Variants in THSD7A observed in about 807,000 individuals in gnomAD.
THSD7A encodes thrombospondin type 1 domain containing 7A.
Under a neutral mutation model 231.3 loss-of-function variants are expected in THSD7A, and 96 were observed. The ratio of observed to expected loss-of-function variants is 0.41; its 90% CI spans 0.35 to 0.49. THSD7A has a LOEUF of 0.49. Among genes scored for constraint, THSD7A ranks in the 20% least tolerant of loss-of-function variants. The probability of loss-of-function intolerance (pLI) is 0.05; values close to 1 mark genes in which losing one functional copy is unlikely to be tolerated. For synonymous variants in THSD7A, 940 were observed against 743.3 expected, an observed-to-expected ratio of 1.26 and a Z score of -4.30; for missense variants, 2,290 against 2,070.2, an observed-to-expected ratio of 1.11 and a Z score of -2.06.
chr7:11,619,024 G>A (rs979240824), intron 2 of THSD7A, among the ~76,000 whole-genome samples: 5 of 151,816 alleles, frequency 3.3e-5, no homozygotes, highest in African/African-American at 1.2e-4. Flanking sequence ...AATTAAAAAA[G>A]TCTATTTCCA....
intron 4 of THSD7A, among the ~76,000 whole-genome samples, chr7:11,574,463 T>G (rs886590544): frequency 6.7e-6 from 1 of 149,658 alleles, no homozygotes. Flanking sequence ...GAGACAGAGT[T>G]TCGCTCTGTC....
At chr7:11,769,122 A>AGCTATATATAT (rs1491347103) in intron 1 of THSD7A, among the ~76,000 whole-genome samples, 1 of 35,886 alleles carries the variant, frequency 2.8e-5, no homozygotes, top group African/African-American at 1.0e-4. Flanking sequence ...AATTCCTGGC[A>AGCTATATATAT]ATATATATAT....
At chr7:11,575,379 TC>T (rs1790848484) in intron 4 of THSD7A, among the ~76,000 whole-genome samples, 1 of 152,340 alleles carries the variant, frequency 6.6e-6, no homozygotes, top group African/African-American at 2.4e-5. Flanking sequence ...TTTTCCTTTA[TC>T]AGTGCCTAGA....
intron 1 of THSD7A, among the ~76,000 whole-genome samples, chr7:11,674,769 C>G (rs1783567637): frequency 6.6e-6 from 1 of 152,096 alleles, no homozygotes; most frequent in South Asian, 2.1e-4. Context: ...TGTTTAATCA[C>G]CTCCAAAGGA....
intron 6 of THSD7A, among the ~76,000 whole-genome samples, chr7:11,534,016 G>A (rs757218): frequency 0.083 from 12,563 of 152,142 alleles, 800 homozygotes; most frequent in East Asian, 0.18. Context: ...GGGAATTAGT[G>A]GAAGATACCT....
chr7:11,488,686 G>A (rs1786762779), intron 6 of THSD7A, among the ~76,000 whole-genome samples: 1 of 152,002 alleles, frequency 6.6e-6, no homozygotes, highest in Non-Finnish European at 1.5e-5. Flanking sequence ...TGTATCCCAA[G>A]GGTCTGTTTC....
intron 1 of THSD7A, among the ~76,000 whole-genome samples, chr7:11,694,803 T>C (rs1267345734): frequency 1.3e-5 from 2 of 151,538 alleles, no homozygotes; most frequent in East Asian, 2.0e-4. Context: ...TTATACTCCA[T>C]CTCCTACAAA....
chr7:11,552,120 A>T (rs1244142632), intron 4 of THSD7A, among the ~76,000 whole-genome samples: 1 of 152,092 alleles, frequency 6.6e-6, no homozygotes, highest in Non-Finnish European at 1.5e-5. Context: ...GATAAACATG[A>T]ACACAAAGTA....
chr7:11,686,875 A>C (rs1315786577), intron 1 of THSD7A, among the ~76,000 whole-genome samples: 1 of 151,888 alleles, frequency 6.6e-6, no homozygotes, highest in East Asian at 1.9e-4. Flanking sequence ...TACCACGTTT[A>C]GTACCTTGGT....
intron 1 of THSD7A, among the ~76,000 whole-genome samples, chr7:11,795,366 T>A (rs1345027881): frequency 6.6e-6 from 1 of 151,954 alleles, no homozygotes; most frequent in Non-Finnish European, 1.5e-5. Flanking sequence ...CCTACTGGTA[T>A]CAGCAAGCCA....
chr7:11,828,605 T>C (rs190964334), intron 1 of THSD7A, among the ~76,000 whole-genome samples: 1 of 152,258 alleles, frequency 6.6e-6, no homozygotes, highest in African/African-American at 2.4e-5. Flanking sequence ...TTTAAAAAAG[T>C]TAATTGTGAG....
In THSD7A at chr7:11,375,676, C is replaced by T. The variant is rs115056938; in HGVS notation, c.*118G>A. The stretch of plus-strand genomic sequence containing the variant: ...GATTTTCACTCTTGTCTTTATGATG[C>T]CATTTTTAAAAATTAAAATATATTT... On this transcript the variant is annotated 3_prime_UTR_variant, in exon 28 of 28. Coordinates refer to ENST00000423059, the MANE Select transcript of THSD7A (RefSeq NM_015204.3). The T allele has an allele frequency of 7.1e-4, 571 of 803,332 alleles. 5 individuals are homozygous for T. The African/African-American group carries it at 8.8e-3, about 12-fold the overall frequency. The allele number at this position is 803,332 out of a possible 1,614,324, so 49.8% of individuals were successfully genotyped here.
chr7:11,593,477 T>A lies in THSD7A; in HGVS notation c.1048A>T (p.Met350Leu), dbSNP rs764045441. ...GTGATCACACAGGACTGGAAGGTCA[T>A]TGGAAGCTTCTCTTGCTGGCAAAAG... is the stretch of plus-strand genomic sequence containing the variant. ...LSFCQQEKLP[M>L]TFQSCVITKE... Residue 350 changes from methionine to leucine, a missense_variant, in exon 3 of 28, where the codon ATG becomes TTG. Physicochemically the swap from Met to Leu is conservative, Grantham distance 15 (BLOSUM62 2). Transcript: ENST00000423059. 1 of 1,613,898 alleles carries A rather than the reference T, an allele frequency of 6.2e-7. No homozygotes were observed. Among genetic ancestry groups the A allele is most frequent in the South Asian group, 1.1e-5 (1 of 91,068 alleles).
intron 1 of THSD7A, among the ~76,000 whole-genome samples, chr7:11,648,637 C>CGTGGGTGTGTGTGTGT (rs1782377975): frequency 7.1e-6 from 1 of 141,060 alleles, no homozygotes; most frequent in Non-Finnish European, 1.5e-5. Flanking sequence ...TATTTTGTGG[C>CGTGGGTGTGTGTGTGT]GTGTGTGTGT....
intron 13 of THSD7A, among the ~76,000 whole-genome samples, chr7:11,442,078 G>GT (rs1784824589): frequency 6.6e-6 from 1 of 151,988 alleles, no homozygotes; most frequent in South Asian, 2.1e-4. Flanking sequence ...TTTGTATTAT[G>GT]TTTTTACTGC....
intron 6 of THSD7A, among the ~76,000 whole-genome samples, chr7:11,513,032 A>G (rs576942094): frequency 6.7e-6 from 1 of 149,588 alleles, no homozygotes; most frequent in African/African-American, 2.5e-5. Flanking sequence ...ATTGGAGACT[A>G]TTATTCTGAG....
intron 1 of THSD7A, among the ~76,000 whole-genome samples, chr7:11,736,870 G>A (rs768604549): frequency 6.6e-6 from 1 of 152,006 alleles, no homozygotes; most frequent in Non-Finnish European, 1.5e-5. Flanking sequence ...GAAGGATCTG[G>A]TGGGAGATAA....
In THSD7A at chr7:11,632,529, G is replaced by A. The variant is rs927943816; in HGVS notation, c.1022+3601C>T. Among the ~76,000 whole-genome samples, 2 of 152,028 alleles carry A rather than the reference G, an allele frequency of 1.3e-5. No homozygotes were observed. Among genetic ancestry groups the A allele is most frequent in the Non-Finnish European group, 2.9e-5 (2 of 67,992 alleles). ...AATTATCGTAACATCTGAGGGAAAA[G>A]GTCTTATTTTTACCACTTGCTTTCT... On this transcript the variant is annotated intron_variant, in intron 2 of 27. Coordinates refer to ENST00000423059, the MANE Select transcript of THSD7A (RefSeq NM_015204.3). This position sits in a 1 kb window ranked among gnomAD's most constrained non-coding sequence, Gnocchi z 4.1.
At chr7:11,561,311 T>C (rs1214625444) in intron 4 of THSD7A, among the ~76,000 whole-genome samples, 1 of 152,200 alleles carries the variant, frequency 6.6e-6, no homozygotes, top group Non-Finnish European at 1.5e-5. Context: ...ATAATATGAT[T>C]GAGGCTATCA....
Sources: allele counts gnomAD v4.1 joint callset (sites outside exome capture counted in the v4.1 genomes callset), GRCh38; gene constraint gnomAD v4.1.1; non-coding constraint Gnocchi (gnomAD v3.1); transcripts MANE v1.5; gene names NCBI Gene and HGNC (gene_info 2026-07-23, HGNC 2026-07-21).